The following SLC44A1 variants were observed in gnomAD, a reference collection of about 807,000 sequenced individuals.
SLC44A1 encodes solute carrier family 44 member 1.
Under a neutral mutation model 79.3 loss-of-function variants are expected in SLC44A1, and 26 were observed. That is an observed-to-expected ratio of 0.33 (90% confidence interval 0.24 to 0.46). SLC44A1 has a LOEUF of 0.46. SLC44A1 is among the 20% of genes least tolerant of loss of function. The probability of loss-of-function intolerance (pLI) is 1.00; values close to 1 mark genes in which losing one functional copy is unlikely to be tolerated. For missense variants in SLC44A1, 688 were observed against 798.1 expected (o/e 0.86, Z 1.66); for synonymous variants, 263 against 286.2 (o/e 0.92, Z 0.82).
intron 3 of SLC44A1, among the ~76,000 whole-genome samples, chr9:105,325,759 C>G (rs1287672610): frequency 6.6e-6 from 1 of 152,180 alleles, no homozygotes; most frequent in East Asian, 1.9e-4. Context: ...TATACCATAA[C>G]AGATGAGGAG....
chr9:105,428,545 A>T (rs1284924702), intron 15 of SLC44A1, among the ~76,000 whole-genome samples: 1 of 152,176 alleles, frequency 6.6e-6, no homozygotes, highest in Admixed American at 6.5e-5. Flanking sequence ...AGCCCATCTA[A>T]TTCTCAGTTT....
At chr9:105,375,128 G>A (rs571322817) in intron 13 of SLC44A1, among the ~76,000 whole-genome samples, 5 of 152,244 alleles carry the variant, frequency 3.3e-5, no homozygotes, top group South Asian at 2.1e-4. Context: ...TGCAACCTCC[G>A]CCTCCTGGGT....
At chr9:105,326,894 G>A (rs566933300) in intron 3 of SLC44A1, among the ~76,000 whole-genome samples, 10 of 152,280 alleles carry the variant, frequency 6.6e-5, no homozygotes, top group African/African-American at 2.4e-4. Context: ...CTTCATAGGT[G>A]TCTCCAACTT....
rs1831128155 is a variant in SLC44A1 at position 105,309,768 on chromosome 9, A to T, written c.171A>T (p.Arg57Ser). The T allele has an allele frequency of 6.2e-7, 1 of 1,613,868 alleles. No individual in the cohort carries two copies. The highest frequency in any genetic ancestry group is 1.3e-5 in the African/African-American group (1 of 74,926). The change falls in exon 3 of 16, where the codon AGA becomes AGT. Residue 57 changes from arginine to serine, a missense_variant. Arg to Ser is a moderately radical substitution (Grantham distance 110). Coordinates refer to ENST00000374720, the MANE Select transcript of SLC44A1 (RefSeq NM_080546.5). ...CAATAGCAACAGGTGCAGCAGCAAGACTAGTGTCAGGATACGACAGCTATG... is the reference window on the plus strand; with the variant it reads ...CAATAGCAACAGGTGCAGCAGCAAGTCTAGTGTCAGGATACGACAGCTATG... ...GFSIATGAAA[R>S]LVSGYDSYGN...
intron 13 of SLC44A1, among the ~76,000 whole-genome samples, chr9:105,380,306 C>T (rs888308001): frequency 7.9e-5 from 12 of 152,174 alleles, no homozygotes; most frequent in African/African-American, 2.7e-4. Context: ...TGAATCTCTT[C>T]TACTGCATTC....
chr9:105,251,812 G>T (rs1461176423), intron 1 of SLC44A1, among the ~76,000 whole-genome samples: 2 of 152,126 alleles, frequency 1.3e-5, no homozygotes, highest in African/African-American at 4.8e-5. Context: ...AGCCTTTTCT[G>T]ATCCCTTCAA....
chr9:105,315,514 G>A (rs778888052), intron 3 of SLC44A1, among the ~76,000 whole-genome samples: 3 of 151,968 alleles, frequency 2.0e-5, no homozygotes, highest in East Asian at 1.9e-4. Flanking sequence ...AGTCTACCCC[G>A]TGATCACATA....
chr9:105,279,207 A>G (rs1449234511), intron 1 of SLC44A1, among the ~76,000 whole-genome samples: 1 of 151,722 alleles, frequency 6.6e-6, no homozygotes, highest in Non-Finnish European at 1.5e-5. Context: ...AAAAAAAAAA[A>G]GGTATTCAGT....
chr9:105,290,666 A>T (rs1830582641), intron 1 of SLC44A1, among the ~76,000 whole-genome samples: 1 of 152,242 alleles, frequency 6.6e-6, no homozygotes, highest in Admixed American at 6.5e-5. Context: ...TAACAGGCCC[A>T]CAATTATTTT....
chr9:105,274,294 G>A (rs927973103), intron 1 of SLC44A1, among the ~76,000 whole-genome samples: 7 of 152,144 alleles, frequency 4.6e-5, no homozygotes, highest in African/African-American at 1.7e-4. Context: ...CCCCTGGACT[G>A]TGCCCTCAGT....
At chr9:105,249,464 A>G (rs1829529402) in intron 1 of SLC44A1, among the ~76,000 whole-genome samples, 1 of 151,846 alleles carries the variant, frequency 6.6e-6, no homozygotes, top group African/African-American at 2.4e-5. Context: ...TAGAGGATCT[A>G]CTCCTCAAAA....
chr9:105,333,341 A>G (rs1826812366), intron 3 of SLC44A1, among the ~76,000 whole-genome samples: 1 of 152,090 alleles, frequency 6.6e-6, no homozygotes, highest in African/African-American at 2.4e-5. Flanking sequence ...TGTGTACTCA[A>G]TGCCTCTCTC....
intron 15 of SLC44A1, among the ~76,000 whole-genome samples, chr9:105,418,506 G>A (rs1829204511): frequency 6.6e-6 from 1 of 152,124 alleles, no homozygotes; most frequent in South Asian, 2.1e-4. Flanking sequence ...ACACTTCTTA[G>A]CTTACAGATT....
At chr9:105,250,817 A>G (rs973599326) in intron 1 of SLC44A1, among the ~76,000 whole-genome samples, 7 of 152,160 alleles carry the variant, frequency 4.6e-5, no homozygotes, top group Admixed American at 6.5e-5. Flanking sequence ...CCTGGGTCCT[A>G]TTCCCAAAGA....
intron 12 of SLC44A1, among the ~76,000 whole-genome samples, chr9:105,371,283 C>T (rs1828089872): frequency 6.6e-6 from 1 of 152,216 alleles, no homozygotes; most frequent in Non-Finnish European, 1.5e-5. Context: ...CAAGCTTTCT[C>T]TGTGAGGGAC....
intron 2 of SLC44A1, among the ~76,000 whole-genome samples, chr9:105,308,634 A>G (rs1483406818): frequency 6.6e-6 from 1 of 152,250 alleles, no homozygotes; most frequent in Non-Finnish European, 1.5e-5. Flanking sequence ...GAGGAATTGC[A>G]TATGAGTATA....
At chr9:105,402,325 G>A (rs1225387495), downstream of SLC44A1, among the ~76,000 whole-genome samples, 1 of 152,116 alleles carries the variant, frequency 6.6e-6, no homozygotes, top group East Asian at 1.9e-4. Context: ...GGATTCCAGC[G>A]AGAAATCCAA....
Position 105,276,501 on chromosome 9 carries a change from G to A in SLC44A1, c.37-22719G>A, listed in dbSNP as rs184840196. On this transcript the variant is annotated intron_variant, in intron 1 of 15. Transcript: ENST00000374720. ...AACAGAGACACAGGTAAAATATACA[G>A]TATAGCAGATGAAGATATGTACTGT... Among the ~76,000 whole-genome samples, 170 of 151,388 alleles carry A rather than the reference G, an allele frequency of 1.1e-3. 1 individual carries two copies. Among genetic ancestry groups the A allele is most frequent in the African/African-American group, 4.0e-3 (166 of 41,268 alleles).
At chr9:105,295,993 C>A (rs1830712723) in intron 1 of SLC44A1, among the ~76,000 whole-genome samples, 2 of 152,068 alleles carry the variant, frequency 1.3e-5, no homozygotes, top group African/African-American at 4.8e-5. Context: ...ACCATTAAGT[C>A]AAAATTTTAG....
Sources: gnomAD v4.1 joint callset for allele counts (sites outside exome capture counted in the v4.1 genomes callset) on GRCh38, gnomAD v4.1.1 for gene constraint, MANE v1.5 for transcripts, NCBI Gene and HGNC (gene_info 2026-07-23, HGNC 2026-07-21) for gene names.